Variants in DRGX observed in about 807,000 individuals in gnomAD.
DRGX encodes the protein dorsal root ganglia homeobox protein.
DRGX carries 21 observed loss-of-function variants against 28.6 expected under a neutral mutation model. That is an observed-to-expected ratio of 0.73 (90% CI 0.52 to 1.06). The LOEUF (loss-of-function observed/expected upper bound fraction) is 1.06. DRGX is among the 50% of genes least tolerant of loss of function. The pLI, the probability that DRGX is intolerant of heterozygous loss-of-function variation, is 0.00. For synonymous variants in DRGX, 136 were observed against 139.1 expected (o/e 0.98, Z 0.16); for missense variants, 354 against 343.9 (o/e 1.03, Z -0.23).
chr10:49,368,453 G>T (rs750719630), intron 6 of DRGX, among the ~76,000 whole-genome samples: 2 of 152,226 alleles, frequency 1.3e-5, no homozygotes, highest in African/African-American at 4.8e-5. Context: ...TCATGCTTTT[G>T]GTCAAACCCC....
At chr10:49,369,909 C>T (rs1218976104) in intron 6 of DRGX, among the ~76,000 whole-genome samples, 1 of 151,996 alleles carries the variant, frequency 6.6e-6, no homozygotes, top group Admixed American at 6.5e-5. Flanking sequence ...GCCCCTTGAG[C>T]TGCCAAACAC....
intron 6 of DRGX, 21 bp downstream of exon 6, chr10:49,386,456 GC>G (rs1452730972): frequency 6.6e-7 from 1 of 1,518,518 alleles, no homozygotes; most frequent in South Asian, 1.3e-5. Context: ...ACGCCCACCA[GC>G]CCAGCCGAAC....
intron 4 of DRGX, among the ~76,000 whole-genome samples, chr10:49,387,853 C>T (rs972754395): frequency 6.6e-6 from 1 of 152,162 alleles, no homozygotes; most frequent in Non-Finnish European, 1.5e-5. Flanking sequence ...AATTAACTTG[C>T]CTAAGGCTAT....
Position 49,389,840 on chromosome 10 carries a change from CT to C in DRGX, c.234+292del, listed in dbSNP as rs372299739. Among the ~76,000 whole-genome samples the C allele has an allele frequency of 5.6e-3, 778 of 137,856 alleles. 1 individual carries two copies. Among genetic ancestry groups the C allele is most frequent in the South Asian group, 7.7e-3 (33 of 4,282 alleles). The allele number at this position is 137,856 out of a possible 152,430, so 90.4% of individuals were successfully genotyped here. A position where few individuals can be genotyped will look rare whatever the true frequency, so the allele number is the denominator to read the frequency against. ...TCTCAGCTCTTTTCTTTCTTTCTTT[CT>C]TTTTTTTTTTTTTTCCAAAGCAAGG... On this transcript the variant is annotated intron_variant, in intron 4 of 6. Transcript: ENST00000374139.
At chr10:49,371,791 CAAAAAA>C (rs563658320) in intron 6 of DRGX, among the ~76,000 whole-genome samples, 1 of 45,510 alleles carries the variant, frequency 2.2e-5, no homozygotes, top group African/African-American at 6.6e-5. Flanking sequence ...GACTCCATCT[CAAAAAA>C]AAAAAAAAAA....
chr10:49,386,674 C>G lies in DRGX; in HGVS notation c.413+6G>C. The stretch of plus-strand genomic sequence containing the variant: ...GCCCACCGGGCCCAGAGACCCACAG[C>G]CTCACCTCTGCTGGGCCTCCAGCGC... On this transcript the variant is annotated splice_donor_region_variant and intron_variant, in intron 5 of 6. Transcript: ENST00000374139. 6.3e-7 allele frequency: 1 copy of G among 1,575,954 alleles called. No homozygotes were observed. The highest frequency in any genetic ancestry group is 8.6e-7 in the Non-Finnish European group (1 of 1,161,380).
chr10:49,378,464 A>G (rs563642814), intron 6 of DRGX, among the ~76,000 whole-genome samples: 2 of 152,350 alleles, frequency 1.3e-5, no homozygotes, highest in Admixed American at 1.3e-4. Context: ...AGAGTGGTGA[A>G]AATGTTCTAA....
chr10:49,391,457 G>A (rs1849904302), intron 2 of DRGX, among the ~76,000 whole-genome samples, 196 bp from the exon 3 acceptor site: 1 of 152,038 alleles, frequency 6.6e-6, no homozygotes, highest in South Asian at 2.1e-4. Flanking sequence ...TTAAATCCAG[G>A]TATCCCTATT....
intron 4 of DRGX, 107 bp downstream of exon 4, chr10:49,390,026 T>C: frequency 1.0e-6 from 1 of 958,162 alleles, no homozygotes; most frequent in Non-Finnish European, 1.5e-6. Flanking sequence ...TGACAGATAG[T>C]CTTCATTTGC....
At chr10:49,386,880 A>G in intron 4 of DRGX, 22 bp from the exon 5 acceptor site, 1 of 1,521,190 alleles carries the variant, frequency 6.6e-7, no homozygotes, top group Non-Finnish European at 8.8e-7. Flanking sequence ...ATGGAAACAT[A>G]CACCCAGTGA....
At chr10:49,379,776 A>G (rs17783577) in intron 6 of DRGX, among the ~76,000 whole-genome samples, 11,306 of 152,238 alleles carry the variant, frequency 0.074, 466 homozygotes, top group Middle Eastern at 0.14. Context: ...TCAATTGCTC[A>G]TGTCTAGTGA....
At chr10:49,385,997 A>G (rs1277408209) in intron 6 of DRGX, among the ~76,000 whole-genome samples, 1 of 150,450 alleles carries the variant, frequency 6.6e-6, no homozygotes, top group Non-Finnish European at 1.5e-5. Flanking sequence ...CAGATGAAAC[A>G]ACAGCCACCG....
At chr10:49,369,991 C>T (rs975204098) in intron 6 of DRGX, among the ~76,000 whole-genome samples, 1 of 152,042 alleles carries the variant, frequency 6.6e-6, no homozygotes, top group Non-Finnish European at 1.5e-5. Flanking sequence ...CGGGCCTTTG[C>T]CTAAGGAAGC....
chr10:49,380,164 G>A (rs1329919027), intron 6 of DRGX, among the ~76,000 whole-genome samples: 1 of 152,248 alleles, frequency 6.6e-6, no homozygotes, highest in African/African-American at 2.4e-5. Context: ...CAGTGCAGGG[G>A]GGTGGCTGTG....
At chr10:49,373,566 C>T (rs540218798) in intron 6 of DRGX, among the ~76,000 whole-genome samples, 15 of 152,204 alleles carry the variant, frequency 9.9e-5, no homozygotes, top group South Asian at 2.1e-4. Flanking sequence ...AATGTCCTTA[C>T]GTAAGAGACC....
chr10:49,368,955 G>T (rs1449804038), intron 6 of DRGX, among the ~76,000 whole-genome samples: 1 of 152,178 alleles, frequency 6.6e-6, no homozygotes, highest in African/African-American at 2.4e-5. Context: ...CTTAGCCCTG[G>T]GTAGCTGGCC....
intron 6 of DRGX, among the ~76,000 whole-genome samples, chr10:49,371,388 C>T (rs931792395): frequency 2.0e-5 from 3 of 152,144 alleles, no homozygotes; most frequent in Non-Finnish European, 2.9e-5. Context: ...CACAGTGGCT[C>T]GCACCTGTAT....
At position 49,367,624 on chromosome 10, in the gene DRGX, T is replaced by G. The variant is rs1197946750; in HGVS notation, c.527-1243A>C. 4.0e-5 allele frequency among the ~76,000 whole-genome samples: 6 copies of G among 151,796 alleles called. No homozygotes were observed. In the South Asian group the frequency reaches 6.3e-4, roughly 16 times the overall value. On this transcript the variant is annotated intron_variant, in intron 6 of 6. Transcript: ENST00000374139. ...TGCTTAGTGTAGGTCCAAGCCCAGG[T>G]CAATCCTTCTCACCCACGTGTTGCC...
intron 6 of DRGX, among the ~76,000 whole-genome samples, chr10:49,371,791 CAAAAAAAA>C (rs563658320): frequency 1.5e-4 from 7 of 45,492 alleles, no homozygotes; most frequent in African/African-American, 3.3e-4. Flanking sequence ...GACTCCATCT[CAAAAAAAA>C]AAAAAAAAAA....
Sources: allele counts gnomAD v4.1 joint callset (sites outside exome capture counted in the v4.1 genomes callset), GRCh38; gene constraint gnomAD v4.1.1; transcripts MANE v1.5; gene names NCBI Gene and HGNC (gene_info 2026-07-23, HGNC 2026-07-21).